The following NRF1 variants were observed in gnomAD, a reference collection of about 807,000 sequenced individuals.
NRF1 encodes nuclear respiratory factor 1.
A neutral mutation model predicts 58.5 loss-of-function variants in NRF1; 5 were observed. The observed-to-expected ratio is 0.09, with a 90% CI of 0.04 to 0.18. NRF1 has a LOEUF of 0.18. NRF1 is among the 10% of genes least tolerant of loss of function. The pLI is 1.00. For missense variants in NRF1, 288 were observed against 657.7 expected, an observed-to-expected ratio of 0.44 and a Z score of 6.15; for synonymous variants, 224 against 246.7, an observed-to-expected ratio of 0.91 and a Z score of 0.86.
chr7:129,625,017 A>G (rs561846992), intron 1 of NRF1, among the ~76,000 whole-genome samples: 6 of 152,274 alleles, frequency 3.9e-5, no homozygotes, highest in African/African-American at 1.2e-4. Flanking sequence ...ACAGAAATGT[A>G]TTCTCTCACA....
chr7:129,727,751 G>A (rs1803481545), intron 10 of NRF1, among the ~76,000 whole-genome samples: 1 of 152,140 alleles, frequency 6.6e-6, no homozygotes, highest in African/African-American at 2.4e-5. Context: ...GGACCATCAT[G>A]GAAAGTTCTG....
At chr7:129,626,347 C>T (rs889002088) in intron 1 of NRF1, among the ~76,000 whole-genome samples, 37 of 152,112 alleles carry the variant, frequency 2.4e-4, no homozygotes, top group African/African-American at 8.4e-4. Flanking sequence ...GCAGTGGCTC[C>T]GATTTTTTTT....
At chr7:129,630,025 C>G (rs968481450) in intron 1 of NRF1, 1 of 152,218 alleles carries the variant, frequency 6.6e-6, no homozygotes, top group Non-Finnish European at 1.5e-5. Flanking sequence ...ACTTTGAGAA[C>G]TGCTGTTAAG....
chr7:129,710,760 T>C (rs562543936), intron 7 of NRF1, among the ~76,000 whole-genome samples, 189 bp downstream of exon 7: 3 of 152,278 alleles, frequency 2.0e-5, no homozygotes, highest in Middle Eastern at 6.8e-3. Context: ...AATACAGAGC[T>C]ATGAGTAGCT....
At chr7:129,736,856 A>G (rs1225952961) in intron 10 of NRF1, among the ~76,000 whole-genome samples, 3 of 152,134 alleles carry the variant, frequency 2.0e-5, no homozygotes, top group East Asian at 1.9e-4. Context: ...TGGAGAGGGG[A>G]GGTCCCGCAG....
intron 9 of NRF1, among the ~76,000 whole-genome samples, chr7:129,722,353 T>A (rs865885581): frequency 2.2e-4 from 33 of 149,906 alleles, no homozygotes; most frequent in Middle Eastern, 3.4e-3. Flanking sequence ...ATCACACCAG[T>A]GCACTCCAGC....
intron 1 of NRF1, among the ~76,000 whole-genome samples, chr7:129,644,886 G>A (rs1801370235): frequency 6.6e-6 from 1 of 152,050 alleles, no homozygotes; most frequent in Non-Finnish European, 1.5e-5. Flanking sequence ...GAATATTTTG[G>A]AGAATTCTGT....
At chr7:129,614,138 C>T (rs1455558867) in intron 1 of NRF1, among the ~76,000 whole-genome samples, 4 of 152,126 alleles carry the variant, frequency 2.6e-5, no homozygotes, top group Admixed American at 2.6e-4. Context: ...TTTTCTTAGA[C>T]GGAGTCTCAC....
At chr7:129,731,488 G>A (rs1203970960) in intron 10 of NRF1, among the ~76,000 whole-genome samples, 1 of 152,214 alleles carries the variant, frequency 6.6e-6, no homozygotes, top group East Asian at 1.9e-4. Context: ...AGAGTCTTTG[G>A]TCTCTTAGGA....
At chr7:129,710,019 C>G (rs1311205630) in intron 6 of NRF1, among the ~76,000 whole-genome samples, 2 of 152,124 alleles carry the variant, frequency 1.3e-5, no homozygotes, top group Non-Finnish European at 2.9e-5. Context: ...CGTGAGCCAC[C>G]ATGCCTGGCC....
chr7:129,654,220 T>G (rs1489637046), intron 1 of NRF1, among the ~76,000 whole-genome samples: 1 of 152,248 alleles, frequency 6.6e-6, no homozygotes, highest in Admixed American at 6.5e-5. Context: ...TCCCTTGACA[T>G]ATGATGTTGA....
rs1250233801 is a variant in NRF1 at position 129,622,993 on chromosome 7, A to G, written c.-7+11169A>G. ...GATCCATTTGTTTTAATGAAATGTA[A>G]AAGATATTTTTAAATTTTCTCTCCT... On this transcript the variant is annotated intron_variant, in intron 1 of 10. Coordinates refer to ENST00000393232, the MANE Select transcript of NRF1 (RefSeq NM_005011.5). Among the ~76,000 whole-genome samples, 5 of 152,230 alleles carry G rather than the reference A, an allele frequency of 3.3e-5. No homozygotes were observed. In the East Asian group the frequency reaches 7.7e-4, roughly 23 times the overall value.
In NRF1 at chr7:129,634,069, C is replaced by T. The variant is rs866059391; in HGVS notation, c.-7+22245C>T. Among the ~76,000 whole-genome samples the T allele has an allele frequency of 7.4e-3, 1,041 of 140,728 alleles. 5 individuals are homozygous for T. The highest frequency in any genetic ancestry group is 0.019 in the African/African-American group (695 of 36,810). 92.3% of individuals were successfully genotyped at this position (140,728 alleles called of 152,430 possible). A position where few individuals can be genotyped will look rare whatever the true frequency, so the allele number is the denominator to read the frequency against. On this transcript the variant is annotated intron_variant, in intron 1 of 10. Transcript: ENST00000393232. ...ATATATATATATATATATACACACA[C>T]ACACACACACACACACTTTATTTTT... is the stretch of plus-strand genomic sequence containing the variant.
intron 9 of NRF1, among the ~76,000 whole-genome samples, chr7:129,724,333 T>C (rs1803400347): frequency 6.6e-6 from 1 of 152,134 alleles, no homozygotes. Flanking sequence ...CAATGAGATA[T>C]CACCTCACAC....
chr7:129,736,709 T>G, intron 10 of NRF1, among the ~76,000 whole-genome samples: 1 of 150,968 alleles, frequency 6.6e-6, no homozygotes, highest in Admixed American at 6.6e-5. Context: ...ACCAGAGGCA[T>G]TCCCACCCCC....
intron 1 of NRF1, among the ~76,000 whole-genome samples, chr7:129,647,943 A>T (rs915957141): frequency 6.6e-6 from 1 of 152,194 alleles, no homozygotes; most frequent in African/African-American, 2.4e-5. Flanking sequence ...ATCTAGTGAC[A>T]GTTTGCTCTA....
chr7:129,644,977 A>G (rs904085487), intron 1 of NRF1, among the ~76,000 whole-genome samples: 1 of 151,656 alleles, frequency 6.6e-6, no homozygotes, highest in African/African-American at 2.4e-5. Flanking sequence ...ACGATTAAGA[A>G]CTCTATGATA....
At chr7:129,738,994 G>A (rs1245881073) in intron 10 of NRF1, among the ~76,000 whole-genome samples, 2 of 152,232 alleles carry the variant, frequency 1.3e-5, no homozygotes, top group African/African-American at 4.8e-5. Context: ...AGTACTTGGT[G>A]TGGTGACTCC....
intron 1 of NRF1, among the ~76,000 whole-genome samples, chr7:129,635,308 A>T (rs1048742566): frequency 4.6e-5 from 7 of 152,206 alleles, no homozygotes; most frequent in African/African-American, 1.7e-4. Context: ...ATGATAGCAG[A>T]AGAGTTTTGG....
Sources: gnomAD v4.1 joint callset for allele counts (sites outside exome capture counted in the v4.1 genomes callset) on GRCh38, gnomAD v4.1.1 for gene constraint, MANE v1.5 for transcripts, NCBI Gene and HGNC (gene_info 2026-07-23, HGNC 2026-07-21) for gene names.